Variants in AGPS observed in about 807,000 individuals in gnomAD.
The protein encoded by AGPS is alkyldihydroxyacetonephosphate synthase, peroxisomal.
AGPS carries 26 observed loss-of-function variants against 90.7 expected under a neutral mutation model. The observed-to-expected ratio is 0.29, with a 90% CI of 0.21 to 0.40. AGPS has a LOEUF of 0.40. AGPS is among the 10% of genes least tolerant of loss of function. The pLI, the probability that AGPS is intolerant of heterozygous loss-of-function variation, is 1.00. For missense variants in AGPS, 540 were observed against 816.1 expected, an observed-to-expected ratio of 0.66 and a Z score of 4.12; for synonymous variants, 294 against 285.3, an observed-to-expected ratio of 1.03 and a Z score of -0.31.
intron 15 of AGPS, 121 bp from the exon 16 acceptor site, chr2:177,507,849 A>G: frequency 2.6e-6 from 2 of 780,292 alleles, no homozygotes; most frequent in Non-Finnish European, 2.3e-6. Flanking sequence ...TGGATAGTAA[A>G]GAGTGGATGA....
At chr2:177,425,846 T>G (rs958210240) in intron 2 of AGPS, among the ~76,000 whole-genome samples, 1 of 152,102 alleles carries the variant, frequency 6.6e-6, no homozygotes. Context: ...GCTTTGTTCT[T>G]TTTGTGTAGG....
chr2:177,500,892 A>G (rs1574013712), intron 14 of AGPS, among the ~76,000 whole-genome samples: 1 of 152,084 alleles, frequency 6.6e-6, no homozygotes, highest in South Asian at 2.1e-4. Flanking sequence ...AGGTCATCTC[A>G]TTTTTGTTTG....
At chr2:177,445,768 A>G in intron 8 of AGPS, 142 bp downstream of exon 8, 1 of 628,204 alleles carries the variant, frequency 1.6e-6, no homozygotes, top group Non-Finnish European at 2.7e-6. Flanking sequence ...CACTCAAAGA[A>G]TTTGTTTAGT....
intron 19 of AGPS, among the ~76,000 whole-genome samples, chr2:177,534,576 TTTTCTTTTTTG>T (rs2079166400): frequency 1.8e-5 from 2 of 113,606 alleles, no homozygotes; most frequent in East Asian, 3.1e-4. Flanking sequence ...CTTTCTTTTC[TTTTCTTTTTTG>T]TTTCTTTTTT....
intron 10 of AGPS, among the ~76,000 whole-genome samples, chr2:177,481,308 T>C (rs946559151): frequency 1.3e-5 from 2 of 152,026 alleles, no homozygotes; most frequent in African/African-American, 4.8e-5. Context: ...TTAACTTATT[T>C]TTTCCTCTCT....
intron 2 of AGPS, among the ~76,000 whole-genome samples, chr2:177,433,479 C>T (rs1686301737): frequency 6.6e-6 from 1 of 152,174 alleles, no homozygotes; most frequent in African/African-American, 2.4e-5. Flanking sequence ...GCAACAATAG[C>T]TGCTTTAAAA....
chr2:177,507,313 C>G (rs1328235771), intron 15 of AGPS, among the ~76,000 whole-genome samples: 1 of 151,960 alleles, frequency 6.6e-6, no homozygotes, highest in Non-Finnish European at 1.5e-5. Context: ...AGCTTTCTTT[C>G]CAATTTTGAT....
rs146210746 is a variant in AGPS, at chr2:177,532,177, G to C, written c.1856-5897G>C. Reference sequence around the variant, plus strand: ...ATGAAGGACTCTGTTAGGATAAAAAGATAGGTTATAGAGTAGGAGAAAATA... The same window carrying C: ...ATGAAGGACTCTGTTAGGATAAAAACATAGGTTATAGAGTAGGAGAAAATA... On this transcript the variant is annotated intron_variant, in intron 19 of 19. Transcript: ENST00000264167. 3.0e-3 allele frequency among the ~76,000 whole-genome samples: 455 copies of C among 152,186 alleles called. 4 individuals are homozygous for C. The highest frequency in any genetic ancestry group is 0.01 in the African/African-American group (430 of 41,528).
rs2079206313 is a variant in AGPS at position 177,538,778 on chromosome 2, C to T, written c.*583C>T. ...TTTAAATTAGTATACATGCATAAAACCTTGTATCATCAATATACAAATTAT... is the reference window on the plus strand; with the variant it reads ...TTTAAATTAGTATACATGCATAAAATCTTGTATCATCAATATACAAATTAT... On this transcript the variant is annotated 3_prime_UTR_variant, in exon 20 of 20. Transcript: ENST00000264167. The T allele has an allele frequency of 6.5e-6, 1 of 153,596 alleles. No homozygotes were observed. Among genetic ancestry groups the T allele is most frequent in the Non-Finnish European group, 1.4e-5 (1 of 69,058 alleles). The allele number at this position is 153,596 out of a possible 1,614,324, so 9.5% of individuals were successfully genotyped here.
At chr2:177,445,685 G>A in intron 8 of AGPS, 59 bp downstream of exon 8, 2 of 1,207,068 alleles carry the variant, frequency 1.7e-6, no homozygotes, top group South Asian at 1.5e-5. Context: ...CAATTCTGAT[G>A]TTATTTCTTT....
At chr2:177,445,149 C>T (rs928803880) in intron 7 of AGPS, among the ~76,000 whole-genome samples, 1 of 152,136 alleles carries the variant, frequency 6.6e-6, no homozygotes, top group African/African-American at 2.4e-5. Context: ...ATGCCAGGAC[C>T]TGTATATGCT....
At chr2:177,443,725 T>C (rs150390418) in intron 7 of AGPS, among the ~76,000 whole-genome samples, 267 of 152,320 alleles carry the variant, frequency 1.8e-3, no homozygotes, top group Admixed American at 3.7e-3. Flanking sequence ...CCTATCTCCT[T>C]ATCCCAGATT....
intron 5 of AGPS, 26 bp downstream of exon 5, chr2:177,437,080 TA>T (rs751625638): frequency 1.9e-6 from 3 of 1,596,382 alleles, no homozygotes. Context: ...CTCGTATCAT[TA>T]ATTTAGTATT....
At chr2:177,523,956 G>A (rs778895248) in intron 19 of AGPS, 151 bp downstream of exon 19, 2 of 727,322 alleles carry the variant, frequency 2.7e-6, no homozygotes, top group Admixed American at 4.5e-5. Context: ...TGTTACTGAG[G>A]TAGATAGTTA....
chr2:177,442,342 G>T lies in AGPS; in HGVS notation c.710-65G>T, dbSNP rs113274649. ...TCTGTATACTTGATATGAGGGATTTGCCATAGAAATATAGCTAAAAACAGA... is the reference window on the plus strand; with the variant it reads ...TCTGTATACTTGATATGAGGGATTTTCCATAGAAATATAGCTAAAAACAGA... On this transcript the variant is annotated intron_variant, in intron 6 of 19. Transcript: ENST00000264167. The T allele has an allele frequency of 7.0e-4, 869 of 1,235,368 alleles. 8 individuals carry two copies. In the African/African-American group the frequency reaches 0.011, roughly 16 times the overall value. 76.5% of individuals were successfully genotyped at this position (1,235,368 alleles called of 1,614,324 possible).
chr2:177,452,643 A>C (rs774175113), intron 8 of AGPS, among the ~76,000 whole-genome samples: 1 of 152,060 alleles, frequency 6.6e-6, no homozygotes, highest in African/African-American at 2.4e-5. Flanking sequence ...CTACCTTTTC[A>C]TTGAGGTGTT....
chr2:177,468,267 AG>A (rs1189922970), intron 9 of AGPS, 148 bp from the exon 10 acceptor site: 1 of 508,398 alleles, frequency 2.0e-6, no homozygotes, highest in Non-Finnish European at 3.6e-6. Context: ...AATTACTAAA[AG>A]ATACTAGAAT....
intron 17 of AGPS, among the ~76,000 whole-genome samples, chr2:177,519,901 T>C (rs1378807486): frequency 1.3e-5 from 2 of 152,246 alleles, no homozygotes; most frequent in African/African-American, 4.8e-5. Flanking sequence ...CCCCAAGGTC[T>C]GCTGATTGCC....
chr2:177,462,202 A>C (rs1687313389), intron 9 of AGPS, among the ~76,000 whole-genome samples, 184 bp downstream of exon 9: 1 of 151,874 alleles, frequency 6.6e-6, no homozygotes, highest in Non-Finnish European at 1.5e-5. Flanking sequence ...CATCCTGGCT[A>C]ACAAGGTGAA....
Sources: allele counts gnomAD v4.1 joint callset (sites outside exome capture counted in the v4.1 genomes callset), GRCh38; gene constraint gnomAD v4.1.1; transcripts MANE v1.5; gene names NCBI Gene and HGNC (gene_info 2026-07-23, HGNC 2026-07-21).